Variants in HGSNAT observed in about 807,000 individuals in gnomAD.
HGSNAT encodes the protein transmembrane protein 76.
Under a neutral mutation model 85.2 loss-of-function variants are expected in HGSNAT, and 59 were observed. The ratio of observed to expected loss-of-function variants is 0.69; its 90% CI spans 0.56 to 0.86. The LOEUF (loss-of-function observed/expected upper bound fraction) is 0.86. HGSNAT is among the 40% of genes least tolerant of loss of function. The pLI is 0.00. For synonymous variants in HGSNAT, 321 were observed against 304.5 expected, an observed-to-expected ratio of 1.05 and a Z score of -0.56; for missense variants, 756 against 777.1, an observed-to-expected ratio of 0.97 and a Z score of 0.32.
In HGSNAT at chr8:43,199,752, G is replaced by C. The variant is rs1186277074; in HGVS notation, c.*183G>C. ...GACACGGCTCGCCAGAACTCTGCCT[G>C]TCTATTTGTGACTTACAGATTTGAA... On this transcript the variant is annotated 3_prime_UTR_variant, in exon 18 of 18. Coordinates refer to ENST00000379644, the MANE Select transcript of HGSNAT (RefSeq NM_152419.3). 2.4e-6 allele frequency: 1 copy of C among 410,354 alleles called. No homozygotes were observed. Among genetic ancestry groups the C allele is most frequent in the African/African-American group, 2.0e-5 (1 of 48,994 alleles). The allele number at this position is 410,354 out of a possible 1,614,324, so 25.4% of individuals were successfully genotyped here. A position where few individuals can be genotyped will look rare whatever the true frequency, so the allele number is the denominator to read the frequency against.
At chr8:43,196,127 G>A in intron 14 of HGSNAT, 1 of 284,728 alleles carries the variant, frequency 3.5e-6, no homozygotes, top group Non-Finnish European at 6.9e-6. Flanking sequence ...TCCCAGCTGG[G>A]TGACCTCGGG....
intron 4 of HGSNAT, among the ~76,000 whole-genome samples, chr8:43,159,641 G>A (rs950333239): frequency 2.0e-5 from 3 of 152,148 alleles, no homozygotes; most frequent in African/African-American, 7.2e-5. Flanking sequence ...GTTTAATTAT[G>A]AAGCATTAAT....
intron 11 of HGSNAT, among the ~76,000 whole-genome samples, chr8:43,186,175 C>G (rs891497674): frequency 1.3e-5 from 2 of 152,190 alleles, no homozygotes; most frequent in Non-Finnish European, 2.9e-5. Context: ...GGTTGATTCC[C>G]TCTTTTTCTA....
At chr8:43,196,697 C>T (rs1214104394) in intron 14 of HGSNAT, 1 of 592,596 alleles carries the variant, frequency 1.7e-6, no homozygotes, top group Non-Finnish European at 3.0e-6. Context: ...GCTCTGGCCT[C>T]ACCTCTGTGG....
chr8:43,155,079 T>C (rs1803049872), intron 2 of HGSNAT, among the ~76,000 whole-genome samples: 1 of 152,200 alleles, frequency 6.6e-6, no homozygotes. Flanking sequence ...TGATTTTCTT[T>C]CTTTTGGATC....
chr8:43,168,953 G>A (rs1351028239), intron 5 of HGSNAT, among the ~76,000 whole-genome samples: 2 of 152,148 alleles, frequency 1.3e-5, no homozygotes, highest in African/African-American at 4.8e-5. Context: ...CATCATTCCT[G>A]TTTTATTGAT....
intron 1 of HGSNAT, among the ~76,000 whole-genome samples, chr8:43,141,346 G>T (rs1166876035): frequency 6.6e-6 from 1 of 152,162 alleles, no homozygotes. Context: ...TTTGCCCCGG[G>T]CCCCGGACCC....
intron 1 of HGSNAT, among the ~76,000 whole-genome samples, chr8:43,142,550 A>G (rs565041870): frequency 4.6e-4 from 70 of 152,274 alleles, no homozygotes; most frequent in African/African-American, 1.6e-3. Context: ...TTACTCTGAC[A>G]GTCTCTAGCT....
Position 43,172,356 on chromosome 8 carries a change from T to C in HGSNAT, c.790T>C (p.Tyr264His). The C allele has an allele frequency of 6.2e-7, 1 of 1,611,294 alleles. No individual in the cohort carries two copies. The highest frequency in any genetic ancestry group is 1.7e-5 in the Admixed American group (1 of 60,006). ...MVFVNYGGGK[Y>H]WYFKHASWNG... The stretch of plus-strand genomic sequence containing the variant: ...CTTTGTCAATTATGGAGGAGGAAAA[T>C]ATTGGTACTTCAAACATGCAAGTTG... The change falls in exon 8 of 18, where the codon TAT becomes CAT. Residue 264 changes from tyrosine (Y) to histidine (H), a missense_variant. Coordinates refer to ENST00000379644, the MANE Select transcript of HGSNAT (RefSeq NM_152419.3).
Position 43,197,901 on chromosome 8 carries a change from C to T in HGSNAT, c.1675C>T (p.Pro559Ser). 2 of 1,613,918 alleles carry T rather than the reference C, an allele frequency of 1.2e-6. No individual in the cohort carries two copies. The highest frequency in any genetic ancestry group is 1.7e-6 in the Non-Finnish European group (2 of 1,179,878). ...CTTCTTCATCCTGCTGGTCCTGTAC[C>T]CAGTTGTGGATGTGAAGGGGCTGTG... The part of the protein sequence containing the change: ...FAFFILLVLY[P>S]VVDVKGLWTG... The change falls in exon 17 of 18, where the codon CCA (proline) becomes TCA (serine). Residue 559 changes from proline to serine, a missense_variant. Physicochemically the swap from Pro to Ser is moderately conservative, Grantham distance 74. Transcript: ENST00000379644.
chr8:43,164,328 A>G (rs1005873481), intron 5 of HGSNAT, among the ~76,000 whole-genome samples: 3 of 151,252 alleles, frequency 2.0e-5, no homozygotes, highest in Admixed American at 6.6e-5. Context: ...CAGATATTGC[A>G]TGTTTTACAA....
intron 1 of HGSNAT, 25 bp downstream of exon 1, chr8:43,140,639 C>T (rs1383685291): frequency 1.7e-6 from 2 of 1,144,204 alleles, no homozygotes; most frequent in Admixed American, 8.2e-5. Context: ...CCTACCGCCG[C>T]CCGGCCGGCT....
At chr8:43,161,259 G>A (rs1803256525) in intron 4 of HGSNAT, among the ~76,000 whole-genome samples, 179 bp from the exon 5 acceptor site, 1 of 152,242 alleles carries the variant, frequency 6.6e-6, no homozygotes, top group Non-Finnish European at 1.5e-5. Flanking sequence ...TTTTGTTTAT[G>A]TTTGATATTT....
chr8:43,152,277 C>T (rs777657102), intron 2 of HGSNAT, among the ~76,000 whole-genome samples: 9 of 151,876 alleles, frequency 5.9e-5, no homozygotes, highest in South Asian at 2.1e-4. Context: ...GGTGACAGAG[C>T]GAGAGTCCAT....
At chr8:43,197,455 C>T in intron 15 of HGSNAT, 1 of 583,450 alleles carries the variant, frequency 1.7e-6, no homozygotes, top group Non-Finnish European at 3.0e-6. Flanking sequence ...AGTAAGCTTA[C>T]CCTCTTCAAC....
At chr8:43,140,733 G>A (rs1802493224) in intron 1 of HGSNAT, 119 bp downstream of exon 1, 1 of 353,126 alleles carries the variant, frequency 2.8e-6, no homozygotes. Flanking sequence ...AACCGCCCCC[G>A]TGGCCTGGGC....
intron 1 of HGSNAT, among the ~76,000 whole-genome samples, chr8:43,141,357 C>G (rs1371256983): frequency 6.6e-6 from 1 of 152,138 alleles, no homozygotes; most frequent in East Asian, 1.9e-4. Context: ...CCCCGGACCC[C>G]GGGCGTTTGT....
chr8:43,198,498 A>G (rs908680202), intron 17 of HGSNAT, among the ~76,000 whole-genome samples: 1 of 152,090 alleles, frequency 6.6e-6, no homozygotes, highest in Non-Finnish European at 1.5e-5. Flanking sequence ...AGTGTTAGCT[A>G]GGATGGTCTT....
rs1026357426 is a variant in HGSNAT, at chr8:43,197,092, A to C, written c.1542+67A>C. 19 of 1,093,398 alleles carry C rather than the reference A, an allele frequency of 1.7e-5. No individual in the cohort carries two copies. The African/African-American group carries it at 2.5e-4, about 14-fold the overall frequency. 67.7% of individuals were successfully genotyped at this position (1,093,398 alleles called of 1,614,324 possible). On this transcript the variant is annotated intron_variant, in intron 15 of 17. Coordinates refer to ENST00000379644, the MANE Select transcript of HGSNAT (RefSeq NM_152419.3). The stretch of plus-strand genomic sequence containing the variant: ...ATGTATAGATATTTAAAAGGAATAA[A>C]ATGTTTAGCAACACTGAGCTAGCCA...
Sources: gnomAD v4.1 joint callset for allele counts (sites outside exome capture counted in the v4.1 genomes callset) on GRCh38, gnomAD v4.1.1 for gene constraint, MANE v1.5 for transcripts, NCBI Gene and HGNC (gene_info 2026-07-23, HGNC 2026-07-21) for gene names.